The following USP43 variants were observed in gnomAD, a reference collection of about 807,000 sequenced individuals.
The protein encoded by USP43 is ubiquitin specific peptidase 43, also known as ubiquitin carboxyl-terminal hydrolase 43.
Under a neutral mutation model 90.7 loss-of-function variants are expected in USP43, and 33 were observed. The ratio of observed to expected loss-of-function variants is 0.36; its 90% CI spans 0.28 to 0.49. The LOEUF (loss-of-function observed/expected upper bound fraction) is 0.49. Ranked by LOEUF, USP43 falls within the 20% of genes least tolerant of loss-of-function variation. The pLI is 0.98. For missense variants in USP43, 1,274 were observed against 1,476.4 expected, an observed-to-expected ratio of 0.86 and a Z score of 2.25; for synonymous variants, 598 against 615.8, an observed-to-expected ratio of 0.97 and a Z score of 0.43.
intron 5 of USP43, among the ~76,000 whole-genome samples, chr17:9,679,548 C>T (rs1170748877): frequency 4.1e-5 from 5 of 120,846 alleles, no homozygotes; most frequent in African/African-American, 6.4e-5. Context: ...TTTTTAATGA[C>T]GGAGTCTCGC....
rs190274266 is a variant in USP43 at position 9,711,962 on chromosome 17, C to T, written c.2171-6C>T. On this transcript the variant is annotated splice_polypyrimidine_tract_variant and splice_region_variant and intron_variant, in intron 13 of 14. Transcript: ENST00000285199. ...CTCAGCCTCCCTCTCTGTGTTTCCT[C>T]CACAGGCTCTACCAGCTCCTCCCTG... The T allele has an allele frequency of 6.3e-7, 1 of 1,593,858 alleles. No individual in the cohort carries two copies. The highest frequency in any genetic ancestry group is 2.3e-5 in the East Asian group (1 of 44,152).
intron 12 of USP43, among the ~76,000 whole-genome samples, chr17:9,706,299 C>G (rs2058516304): frequency 6.6e-6 from 1 of 152,152 alleles, no homozygotes; most frequent in Non-Finnish European, 1.5e-5. Context: ...TAACATCTGT[C>G]AGTTGGCTCT....
At chr17:9,668,466 T>C (rs1913186761) in intron 3 of USP43, among the ~76,000 whole-genome samples, 1 of 152,250 alleles carries the variant, frequency 6.6e-6, no homozygotes, top group Non-Finnish European at 1.5e-5. Flanking sequence ...TTACTGTCTT[T>C]AGAGGCTGAT....
At chr17:9,649,266 C>G (rs1179814473) in intron 1 of USP43, among the ~76,000 whole-genome samples, 1 of 152,156 alleles carries the variant, frequency 6.6e-6, no homozygotes, top group Non-Finnish European at 1.5e-5. Flanking sequence ...GAGATCGTGC[C>G]ACTGTACTCT....
At chr17:9,673,465 C>T (rs1300512094) in intron 3 of USP43, among the ~76,000 whole-genome samples, 6 of 152,116 alleles carry the variant, frequency 3.9e-5, no homozygotes, top group Admixed American at 3.3e-4. Context: ...GTCGAGATCG[C>T]GCCATTGCAC....
intron 1 of USP43, chr17:9,646,924 T>TA (rs1447751033): frequency 1.3e-5 from 2 of 152,028 alleles, no homozygotes; most frequent in Non-Finnish European, 2.9e-5. Flanking sequence ...ACGGTCTACT[T>TA]ACTCGGGTTG....
chr17:9,686,947 A>ATGCGCATGTGCATGCG lies in USP43; in HGVS notation c.1353+41_1353+56dup. ...CATGCGTGTGTGTGTGTGTGCGTGC[A>ATGCGCATGTGCATGCG]TGCGCATGTGCATGCGTGTGTGTGG... On this transcript the variant is annotated intron_variant, in intron 8 of 14. Coordinates refer to ENST00000285199, the MANE Select transcript of USP43 (RefSeq NM_153210.5). The surrounding 1 kb of genome is among the most constrained non-coding windows in gnomAD (Gnocchi z 5.5). The ATGCGCATGTGCATGCG allele has an allele frequency of 6.4e-7, 1 of 1,569,142 alleles. No homozygotes were observed. Among genetic ancestry groups the ATGCGCATGTGCATGCG allele is most frequent in the South Asian group, 1.1e-5 (1 of 89,702 alleles).
At chr17:9,693,767 G>T (rs1354021335) in intron 9 of USP43, among the ~76,000 whole-genome samples, 1 of 152,204 alleles carries the variant, frequency 6.6e-6, no homozygotes, top group Non-Finnish European at 1.5e-5. Context: ...GAACCAGGGA[G>T]ATGGAGGTTG....
rs1916064486 is a variant in USP43, at chr17:9,709,515, A to T, written c.2012-441A>T. On this transcript the variant is annotated intron_variant, in intron 12 of 14. Transcript: ENST00000285199. This position sits in a 1 kb window ranked among gnomAD's most constrained non-coding sequence, Gnocchi z 5.0. ...TGGATCATCTTAGGTCAGGAGTTCG[A>T]GACCAGCCTGGTCAACATGGTGAAA... 2.0e-5 allele frequency among the ~76,000 whole-genome samples: 3 copies of T among 152,088 alleles called. No homozygotes were observed. Among genetic ancestry groups the T allele is most frequent in the Non-Finnish European group, 1.5e-5 (1 of 68,034 alleles).
At chr17:9,711,111 G>C (rs781274302) in intron 13 of USP43, among the ~76,000 whole-genome samples, 12 of 152,152 alleles carry the variant, frequency 7.9e-5, no homozygotes, top group Non-Finnish European at 1.3e-4. Flanking sequence ...TTACTGTCCA[G>C]TATAATAAAG....
intron 14 of USP43, among the ~76,000 whole-genome samples, chr17:9,714,881 A>G (rs917560565): frequency 2.0e-5 from 3 of 152,122 alleles, no homozygotes; most frequent in African/African-American, 7.2e-5. Context: ...GATGCTGCTG[A>G]GAGGCTGAGT....
At chr17:9,675,729 TC>T (rs1287263085) in intron 4 of USP43, among the ~76,000 whole-genome samples, 12 of 152,190 alleles carry the variant, frequency 7.9e-5, no homozygotes, top group African/African-American at 2.9e-4. Context: ...CAACTCAATC[TC>T]CCTTTCTGCT....
chr17:9,688,331 C>T (rs1914717753), intron 8 of USP43, among the ~76,000 whole-genome samples: 1 of 147,736 alleles, frequency 6.8e-6, no homozygotes. Flanking sequence ...GCCATCCTTA[C>T]TCTTACCTGC....
At chr17:9,698,451 AC>A (rs2151986506) in intron 9 of USP43, among the ~76,000 whole-genome samples, 1 of 152,290 alleles carries the variant, frequency 6.6e-6, no homozygotes, top group South Asian at 2.1e-4. Context: ...GTCCCCAGAC[AC>A]CTGAGTGCAT....
intron 14 of USP43, among the ~76,000 whole-genome samples, chr17:9,726,543 C>CCT (rs1567687747): frequency 3.3e-5 from 5 of 152,310 alleles, no homozygotes; most frequent in Admixed American, 2.6e-4. Context: ...TTCATGTGTC[C>CCT]TCACATGGCA....
intron 1 of USP43, among the ~76,000 whole-genome samples, chr17:9,655,859 A>T (rs11651465): frequency 6.6e-6 from 1 of 152,294 alleles, no homozygotes; most frequent in South Asian, 2.1e-4. Flanking sequence ...GCAGTAGAGG[A>T]GCTACATGCA....
chr17:9,654,829 C>T (rs927493136), intron 1 of USP43, among the ~76,000 whole-genome samples: 1 of 151,708 alleles, frequency 6.6e-6, no homozygotes, highest in Non-Finnish European at 1.5e-5. Context: ...CCTCTACCTC[C>T]CGGGTTCAAG....
chr17:9,654,134 GT>G (rs1912065898), intron 1 of USP43, among the ~76,000 whole-genome samples: 1 of 152,078 alleles, frequency 6.6e-6, no homozygotes, highest in South Asian at 2.1e-4. Flanking sequence ...TGGGGGTAGG[GT>G]TGCCAGATGA....
chr17:9,710,017 G>A lies in USP43; in HGVS notation c.2073G>A (p.Pro691=), dbSNP rs372302240. ...GTTATGATGACAGCACGGTGGAACCGCTTCGAGAAGATGAGGTCAACACCA... is the reference window on the plus strand; with the variant it reads ...GTTATGATGACAGCACGGTGGAACCACTTCGAGAAGATGAGGTCAACACCA... ...WYSYDDSTVE[P]LREDEVNTRG... Residue 691 remains proline (P), a synonymous_variant, in exon 13 of 15, where the codon CCG becomes CCA. Transcript: ENST00000285199. 2.6e-5 allele frequency: 41 copies of A among 1,571,860 alleles called. No homozygotes were observed. Among genetic ancestry groups the A allele is most frequent in the African/African-American group, 4.1e-5 (3 of 72,778 alleles).
Sources: gnomAD v4.1 joint callset for allele counts (sites outside exome capture counted in the v4.1 genomes callset) on GRCh38, gnomAD v4.1.1 for gene constraint, Gnocchi (gnomAD v3.1) non-coding constraint, MANE v1.5 for transcripts, NCBI Gene and HGNC (gene_info 2026-07-23, HGNC 2026-07-21) for gene names.